Variants in MAML2 observed in about 807,000 individuals in gnomAD.
MAML2 encodes the protein mastermind like transcriptional coactivator 2.
A neutral mutation model predicts 96.1 loss-of-function variants in MAML2; 22 were observed. The observed-to-expected ratio is 0.23, with a 90% CI of 0.16 to 0.33. The LOEUF (loss-of-function observed/expected upper bound fraction) is 0.33. MAML2 is among the 10% of genes least tolerant of loss of function. The pLI, the probability that MAML2 is intolerant of heterozygous loss-of-function variation, is 1.00. For missense variants in MAML2, 1,367 were observed against 1,392.4 expected (o/e 0.98, Z 0.29); for synonymous variants, 561 against 521.3 (o/e 1.08, Z -1.04).
At chr11:96,282,129 GTCCAA>G (rs1159949628) in intron 1 of MAML2, among the ~76,000 whole-genome samples, 24 of 151,754 alleles carry the variant, frequency 1.6e-4, no homozygotes, top group African/African-American at 5.1e-4. Flanking sequence ...GGCCCCTGTA[GTCCAA>G]GCTACTCGGG....
chr11:96,267,167 A>T (rs1217230280), intron 1 of MAML2, among the ~76,000 whole-genome samples: 1 of 152,216 alleles, frequency 6.6e-6, no homozygotes, highest in African/African-American at 2.4e-5. Flanking sequence ...TTTGAAGAAA[A>T]CAATAGTGGA....
rs2135722657 is a variant in MAML2 at position 96,005,740 on chromosome 11, G to C, written c.2140-14017C>G. Among the ~76,000 whole-genome samples the C allele has an allele frequency of 1.3e-5, 2 of 152,236 alleles. 1 individual carries two copies. Among genetic ancestry groups the C allele is most frequent in the Middle Eastern group, 6.8e-3 (2 of 294 alleles). On this transcript the variant is annotated intron_variant, in intron 2 of 4. Transcript: ENST00000524717. Reference sequence around the variant, plus strand: ...CATAAGGTAGAACTATACAGCTTTGGTAATAAGTTCTGACTTTTCTCAACT... The same window carrying C: ...CATAAGGTAGAACTATACAGCTTTGCTAATAAGTTCTGACTTTTCTCAACT...
At chr11:96,022,397 T>C (rs924250267) in intron 2 of MAML2, among the ~76,000 whole-genome samples, 1 of 152,158 alleles carries the variant, frequency 6.6e-6, no homozygotes, top group Non-Finnish European at 1.5e-5. Context: ...TCCAGAGACA[T>C]AACAGATGGG....
intron 1 of MAML2, among the ~76,000 whole-genome samples, chr11:96,135,099 G>A: frequency 6.6e-6 from 1 of 152,244 alleles, no homozygotes; most frequent in East Asian, 1.9e-4. Context: ...ACCATTAAGA[G>A]GTGATTAGGC....
At chr11:96,125,324 G>C (rs1860420205) in intron 1 of MAML2, among the ~76,000 whole-genome samples, 1 of 152,134 alleles carries the variant, frequency 6.6e-6, no homozygotes, top group Non-Finnish European at 1.5e-5. Context: ...ACTGTGCAGA[G>C]ATGGTGCAAA....
intron 1 of MAML2, among the ~76,000 whole-genome samples, chr11:96,127,522 A>G (rs936655049): frequency 3.3e-5 from 5 of 152,258 alleles, no homozygotes; most frequent in Admixed American, 6.5e-5. Flanking sequence ...ATGGAAGTTA[A>G]TGAAATTATT....
At chr11:96,094,880 C>G (rs1859799393) in intron 1 of MAML2, among the ~76,000 whole-genome samples, 1 of 152,164 alleles carries the variant, frequency 6.6e-6, no homozygotes, top group East Asian at 1.9e-4. Context: ...TATGGCTGCT[C>G]TCTCACCTGC....
At chr11:96,219,766 C>G (rs1862104614) in intron 1 of MAML2, among the ~76,000 whole-genome samples, 1 of 152,100 alleles carries the variant, frequency 6.6e-6, no homozygotes, top group African/African-American at 2.4e-5. Flanking sequence ...TTTGGGATTA[C>G]AGATACCTGC....
chr11:96,014,571 T>G (rs1477247467), intron 2 of MAML2, among the ~76,000 whole-genome samples: 1 of 152,228 alleles, frequency 6.6e-6, no homozygotes, highest in Non-Finnish European at 1.5e-5. Context: ...ACCAATTGAT[T>G]ATTTTGACTC....
At chr11:96,221,929 T>A (rs532206320) in intron 1 of MAML2, among the ~76,000 whole-genome samples, 8 of 152,264 alleles carry the variant, frequency 5.3e-5, no homozygotes, top group Admixed American at 4.6e-4. Context: ...CGGTTTTCAT[T>A]CCCTATTTCC....
At chr11:95,993,124 G>T (rs1368738229) in intron 2 of MAML2, among the ~76,000 whole-genome samples, 1 of 151,228 alleles carries the variant, frequency 6.6e-6, no homozygotes, top group Non-Finnish European at 1.5e-5. Flanking sequence ...TGCCCAGGCT[G>T]GTCTCAAAGT....
intron 1 of MAML2, among the ~76,000 whole-genome samples, chr11:96,156,130 G>C (rs1008881945): frequency 3.9e-5 from 6 of 152,076 alleles, no homozygotes; most frequent in African/African-American, 1.2e-4. Flanking sequence ...CCGTAACCCA[G>C]GGCTTCCATC....
chr11:96,287,150 T>C (rs1196618763), intron 1 of MAML2, among the ~76,000 whole-genome samples: 1 of 152,240 alleles, frequency 6.6e-6, no homozygotes, highest in Non-Finnish European at 1.5e-5. Flanking sequence ...GATAGTTGTA[T>C]AAAGAGGACC....
chr11:96,218,208 G>A (rs932420353), intron 1 of MAML2, among the ~76,000 whole-genome samples: 169 of 152,350 alleles, frequency 1.1e-3, no homozygotes, highest in African/African-American at 3.8e-3. Flanking sequence ...GTCAGTGACA[G>A]AAGGCAGCTG....
chr11:96,066,604 A>G (rs937286776), intron 2 of MAML2, among the ~76,000 whole-genome samples: 1 of 152,220 alleles, frequency 6.6e-6, no homozygotes, highest in African/African-American at 2.4e-5. Flanking sequence ...TGAATCCCAT[A>G]GGAATGAATT....
At chr11:96,211,605 A>G (rs1207920527) in intron 1 of MAML2, among the ~76,000 whole-genome samples, 1 of 152,138 alleles carries the variant, frequency 6.6e-6, no homozygotes, top group East Asian at 1.9e-4. Flanking sequence ...GATCAGAGGT[A>G]TGGGGGCGTC....
chr11:96,115,272 T>C (rs1457661913), intron 1 of MAML2, among the ~76,000 whole-genome samples: 1 of 151,860 alleles, frequency 6.6e-6, no homozygotes, highest in Non-Finnish European at 1.5e-5. Flanking sequence ...CAAGAGATCC[T>C]CCTGTTTTAG....
At chr11:96,172,245 T>C (rs1162577553) in intron 1 of MAML2, among the ~76,000 whole-genome samples, 2 of 152,144 alleles carry the variant, frequency 1.3e-5, no homozygotes, top group Non-Finnish European at 2.9e-5. Context: ...CAGAATTGAG[T>C]AGTATTTCTA....
At chr11:96,122,493 G>A (rs1399597802) in intron 1 of MAML2, among the ~76,000 whole-genome samples, 1 of 78,088 alleles carries the variant, frequency 1.3e-5, no homozygotes, top group African/African-American at 5.2e-5. Flanking sequence ...AATCTTTTAG[G>A]CTGGGTGTGT....
Sources: gnomAD v4.1 joint callset for allele counts (sites outside exome capture counted in the v4.1 genomes callset) on GRCh38, gnomAD v4.1.1 for gene constraint, MANE v1.5 for transcripts, NCBI Gene and HGNC (gene_info 2026-07-23, HGNC 2026-07-21) for gene names.